The following ATM variants were observed in gnomAD, a reference collection of about 807,000 sequenced individuals.
ATM encodes ATM serine/threonine kinase.
Under a neutral mutation model 387.0 loss-of-function variants are expected in ATM, and 308 were observed. The ratio of observed to expected loss-of-function variants is 0.80; its 90% CI spans 0.73 to 0.87. The LOEUF is 0.87. Ranked by LOEUF, ATM falls within the 40% of genes least tolerant of loss-of-function variation. The pLI is 0.00. For missense variants in ATM, 3,312 were observed against 3,560.9 expected, an observed-to-expected ratio of 0.93 and a Z score of 1.78; for synonymous variants, 1,156 against 1,187.3, an observed-to-expected ratio of 0.97 and a Z score of 0.54.
chr11:108,293,894 A>AATATATATATATATATAT (rs1220002313), intron 31 of ATM, among the ~76,000 whole-genome samples: 5 of 83,670 alleles, frequency 6.0e-5, no homozygotes, highest in African/African-American at 2.1e-4. Flanking sequence ...AAAAAAAAAA[A>AATATATATATATATATAT]ATATATATAT....
intron 57 of ATM, 128 bp downstream of exon 57, chr11:108,343,499 TAAAAGA>T (rs908093274): frequency 8.7e-7 from 1 of 1,145,942 alleles, no homozygotes; most frequent in African/African-American, 1.6e-5. Flanking sequence ...AGATACTAAG[TAAAAGA>T]AAAACTCATC....
rs730881380 is a variant in ATM, at chr11:108,317,431, A to T, written c.6257A>T (p.Tyr2086Phe). ...TCCGTCTATTTAAAAGGATTGGATT[A>T]TGAAAATAAAGACTGGTGTCCTGAA... The part of the protein sequence containing the change: ...ILSVYLKGLD[Y>F]ENKDWCPELE... Residue 2086 changes from tyrosine to phenylalanine, a missense_variant, in exon 43 of 63, where the codon TAT (tyrosine) becomes TTT (phenylalanine). By Grantham distance (22) the Tyr-to-Phe change is conservative. Transcript: ENST00000675843. 20 of 1,612,380 alleles carry T rather than the reference A, an allele frequency of 1.2e-5. No homozygotes were observed. Among genetic ancestry groups the T allele is most frequent in the Non-Finnish European group, 1.6e-5 (19 of 1,179,314 alleles).
At chr11:108,256,380 A>T (rs1165163072) in intron 14 of ATM, 40 bp downstream of exon 14, 1 of 1,578,312 alleles carries the variant, frequency 6.3e-7, no homozygotes, top group East Asian at 2.3e-5. Flanking sequence ...GATAAATTTG[A>T]ATGAAATGTA....
rs770911662 is a variant in ATM, at chr11:108,244,888, G to A, written c.763G>A (p.Gly255Arg). ...CTTTCGAATTCGAGTGTGTGAATTA[G>A]GAGATGAAATTCTTCCCACTTTGCT... ...VNFRIRVCELGDEILPTLLYI... is the reference protein window; with the variant it reads ...VNFRIRVCELRDEILPTLLYI... The change falls in exon 7 of 63, where the codon GGA (glycine) becomes AGA (arginine). Residue 255 changes from glycine (G) to arginine (R), a missense_variant. Gly to Arg is a moderately radical substitution (Grantham distance 125). Around this residue, in one of 4 missense-constraint regions of ATM, gnomAD observed 1,791 missense variants for 1,804.5 expected, o/e 0.99. Transcript: ENST00000675843. 6.2e-7 allele frequency: 1 copy of A among 1,613,764 alleles called. No homozygotes were observed. Among genetic ancestry groups the A allele is most frequent in the South Asian group, 1.1e-5 (1 of 91,072 alleles).
chr11:108,304,581 AAT>A lies in ATM; in HGVS notation c.5497-91_5497-90del. ...TTAATCTATCATCTTTTAGAAATTT[AAT>A]ATGTCAACGGGGCATGAAAATTTTA... On this transcript the variant is annotated intron_variant, in intron 36 of 62. Transcript: ENST00000675843. The A allele has an allele frequency of 5.8e-6, 7 of 1,215,784 alleles. No individual in the cohort carries two copies. The South Asian group carries it at 8.0e-5, about 14-fold the overall frequency. The allele number at this position is 1,215,784 out of a possible 1,614,324, so 75.3% of individuals were successfully genotyped here.
At chr11:108,331,288 TAAGAA>T (rs2086205558) in intron 50 of ATM, 151 bp from the exon 51 acceptor site, 8 of 1,391,324 alleles carry the variant, frequency 5.7e-6, no homozygotes, top group Middle Eastern at 2.7e-4. Flanking sequence ...GACCTTCAGA[TAAGAA>T]AAGAAATGAA....
chr11:108,266,573 C>T (rs1423731715), intron 16 of ATM, among the ~76,000 whole-genome samples: 2 of 151,302 alleles, frequency 1.3e-5, no homozygotes, highest in Non-Finnish European at 2.9e-5. Context: ...CAGCATGGCA[C>T]ATGTATACAT....
chr11:108,328,565 T>C (rs2085928744), intron 48 of ATM, among the ~76,000 whole-genome samples: 1 of 152,216 alleles, frequency 6.6e-6, no homozygotes, highest in African/African-American at 2.4e-5. Flanking sequence ...TTAAATTTTA[T>C]AAAGTTCTCT....
rs182586193 is a variant in ATM, at chr11:108,366,479, C to T, written c.*971C>T. On this transcript the variant is annotated 3_prime_UTR_variant, in exon 63 of 63. Coordinates refer to ENST00000675843, the MANE Select transcript of ATM (RefSeq NM_000051.4). ...TGTAATAGTTCTATTAAATTTAGTT[C>T]CTGCTGTTTATATCTGTTGATTTTT... 2.2e-4 allele frequency: 49 copies of T among 224,058 alleles called. No homozygotes were observed. The highest frequency in any genetic ancestry group is 1.0e-3 in the African/African-American group (47 of 44,806). The allele number at this position is 224,058 out of a possible 1,614,324, so 13.9% of individuals were successfully genotyped here.
chr11:108,232,884 C>CA (rs1404607210), intron 4 of ATM, among the ~76,000 whole-genome samples: 6 of 149,474 alleles, frequency 4.0e-5, no homozygotes, highest in African/African-American at 1.5e-4. Flanking sequence ...TTTTTTGAGA[C>CA]AGAGTTTTGC....
At chr11:108,304,592 G>A (rs3092827) in intron 36 of ATM, 83 bp from the exon 37 acceptor site, 50 of 1,313,446 alleles carry the variant, frequency 3.8e-5, no homozygotes, top group Admixed American at 2.2e-4. Context: ...ATATGTCAAC[G>A]GGGCATGAAA....
At position 108,271,255 on chromosome 11, in the gene ATM, G is replaced by C. The variant is rs1178628574; in HGVS notation, c.2926G>C (p.Val976Leu). 2 of 1,610,018 alleles carry C rather than the reference G, an allele frequency of 1.2e-6. No homozygotes were observed. The highest frequency in any genetic ancestry group is 1.7e-6 in the Non-Finnish European group (2 of 1,178,832). Reference sequence around the variant, plus strand: ...TTTTTTTTTTTTTTACCACAGCAATGTGTGTTCTTTGTATCGTCGTGACCA... The same window carrying C: ...TTTTTTTTTTTTTTACCACAGCAATCTGTGTTCTTTGTATCGTCGTGACCA... ...VLELLKPLSN[V>L]CSLYRRDQDV... is the part of the protein sequence containing the mutation. The change falls in exon 20 of 63, where the codon GTG becomes CTG. Residue 976 changes from valine (V) to leucine (L), a missense_variant. Physicochemically the swap from Val to Leu is conservative, Grantham distance 32. Coordinates refer to ENST00000675843, the MANE Select transcript of ATM (RefSeq NM_000051.4).
At chr11:108,359,763 A>C (rs905277516) in intron 61 of ATM, among the ~76,000 whole-genome samples, 4 of 152,310 alleles carry the variant, frequency 2.6e-5, no homozygotes, top group South Asian at 2.1e-4. Flanking sequence ...ACAAAGACAC[A>C]ACGTACCAGA....
rs1364817146 is a variant in ATM at position 108,282,778 on chromosome 11, T to A, written c.3645T>A (p.Asp1215Glu). ...RLEDFMASHLDYLVLEWLNLQ... is the reference protein window; with the variant it reads ...RLEDFMASHLEYLVLEWLNLQ... ...AAGACTTTATGGCATCTCATTTAGA[T>A]TATCTGGTTTTGGAATGGCTAAATC... The change falls in exon 25 of 63, where the codon GAT (aspartate) becomes GAA (glutamate). Residue 1215 changes from aspartate (D) to glutamate (E), a missense_variant. By Grantham distance (45) the Asp-to-Glu change is conservative. Coordinates refer to ENST00000675843, the MANE Select transcript of ATM (RefSeq NM_000051.4). 1.2e-6 allele frequency: 2 copies of A among 1,609,140 alleles called. No individual in the cohort carries two copies. The highest frequency in any genetic ancestry group is 1.7e-6 in the Non-Finnish European group (2 of 1,175,888).
chr11:108,248,789 G>A (rs1461831514), intron 8 of ATM, 144 bp from the exon 9 acceptor site: 3 of 661,184 alleles, frequency 4.5e-6, no homozygotes, highest in Non-Finnish European at 7.5e-6. Context: ...TCGGGAGGCT[G>A]AGGCAGGAGA....
chr11:108,353,649 G>C (rs1382389851), intron 59 of ATM, 117 bp from the exon 60 acceptor site: 2 of 800,998 alleles, frequency 2.5e-6, no homozygotes, highest in African/African-American at 3.4e-5. Context: ...GTACATACTA[G>C]TGTTCATAGA....
chr11:108,255,378 G>T (rs976710544), intron 13 of ATM, among the ~76,000 whole-genome samples: 1 of 149,748 alleles, frequency 6.7e-6, no homozygotes, highest in Admixed American at 6.6e-5. Context: ...AACATTTTGT[G>T]TGTAACTTAG....
At chr11:108,347,146 T>C (rs372524173) in intron 58 of ATM, 133 bp from the exon 59 acceptor site, 1 of 746,944 alleles carries the variant, frequency 1.3e-6, no homozygotes, top group Non-Finnish European at 2.4e-6. Context: ...GTTATGCACA[T>C]CATTTAAGTA....
In ATM at chr11:108,289,583, A is replaced by C. The variant is rs753311330; in HGVS notation, c.4237-19A>C. 17 of 1,586,114 alleles carry C rather than the reference A, an allele frequency of 1.1e-5. 1 individual carries two copies. The highest frequency in any genetic ancestry group is 1.2e-5 in the Non-Finnish European group (14 of 1,164,526). On this transcript the variant is annotated intron_variant, in intron 28 of 62. Transcript: ENST00000675843. ...GTATCTAATTAAACAAGTTTTTACT[A>C]AATCTGTTTATTTTCTAGGATTCCT...
Sources: gnomAD v4.1 joint callset for allele counts (sites outside exome capture counted in the v4.1 genomes callset) on GRCh38, gnomAD v4.1.1 for gene constraint, gnomAD v4.1.1 regional missense constraint, MANE v1.5 for transcripts, NCBI Gene and HGNC (gene_info 2026-07-23, HGNC 2026-07-21) for gene names.